Variants in BCKDHB observed in about 807,000 individuals in gnomAD.
The protein encoded by BCKDHB is branched chain keto acid dehydrogenase E1 subunit beta, also known as 2-oxoisovalerate dehydrogenase subunit beta, mitochondrial.
In BCKDHB, 41 loss-of-function variants were observed where a neutral mutation model predicts 48.5. The observed-to-expected ratio is 0.85, with a 90% CI of 0.66 to 1.10. BCKDHB has a LOEUF of 1.10. Ranked by LOEUF, BCKDHB falls within the 50% of genes least tolerant of loss-of-function variation. The pLI, the probability that BCKDHB is intolerant of heterozygous loss-of-function variation, is 0.00. For synonymous variants in BCKDHB, 201 were observed against 174.8 expected (o/e 1.15, Z -1.18); for missense variants, 496 against 494.2 (o/e 1.00, Z -0.03).
chr6:80,450,469 G>A, the BCKDHB span, among the ~76,000 whole-genome samples: 1 of 152,106 alleles, frequency 6.6e-6, no homozygotes, highest in South Asian at 2.1e-4. Context: ...TAGGGGAGGG[G>A]CGCTTGTGCT....
chr6:80,435,278 A>G, the BCKDHB span, among the ~76,000 whole-genome samples: 1 of 152,176 alleles, frequency 6.6e-6, no homozygotes, highest in Admixed American at 6.5e-5. Context: ...GAAATTTGTC[A>G]TGTTATTTGT....
chr6:80,107,616 T>C (rs1769195572), intron 1 of BCKDHB, among the ~76,000 whole-genome samples: 2 of 149,274 alleles, frequency 1.3e-5, no homozygotes, highest in African/African-American at 2.5e-5. Flanking sequence ...TACAGAATTC[T>C]GAGTAATTGA....
the BCKDHB span, among the ~76,000 whole-genome samples, chr6:80,363,211 A>G: frequency 1.6e-4 from 24 of 152,210 alleles, no homozygotes; most frequent in Non-Finnish European, 3.4e-4. Flanking sequence ...TCTGAACACA[A>G]ACAATGAAAG....
chr6:80,316,091 A>G (rs1768432076), intron 9 of BCKDHB, among the ~76,000 whole-genome samples: 1 of 152,222 alleles, frequency 6.6e-6, no homozygotes, highest in South Asian at 2.1e-4. Flanking sequence ...TTTCATTCCT[A>G]TGCTGTGATT....
chr6:80,327,630 GT>G (rs1191865980), intron 9 of BCKDHB, among the ~76,000 whole-genome samples: 1 of 152,096 alleles, frequency 6.6e-6, no homozygotes, highest in East Asian at 1.9e-4. Flanking sequence ...AATAAATAGT[GT>G]TTTCTCTGCC....
At chr6:80,328,398 G>A (rs897827597) in intron 9 of BCKDHB, among the ~76,000 whole-genome samples, 2 of 152,156 alleles carry the variant, frequency 1.3e-5, no homozygotes, top group Non-Finnish European at 2.9e-5. Flanking sequence ...ACAGATTCAG[G>A]ACAAGGACTC....
chr6:80,112,558 T>G (rs1315569893), intron 1 of BCKDHB, among the ~76,000 whole-genome samples: 1 of 152,154 alleles, frequency 6.6e-6, no homozygotes, highest in Non-Finnish European at 1.5e-5. Context: ...AATCCTTATT[T>G]CCCATTACTA....
At chr6:80,331,990 A>G (rs1186609116) in intron 9 of BCKDHB, among the ~76,000 whole-genome samples, 1 of 152,208 alleles carries the variant, frequency 6.6e-6, no homozygotes, top group Non-Finnish European at 1.5e-5. Flanking sequence ...ATGAAATTTA[A>G]TGCACCATAA....
At chr6:80,456,151 G>A in the BCKDHB span, among the ~76,000 whole-genome samples, 1 of 151,710 alleles carries the variant, frequency 6.6e-6, no homozygotes, top group Non-Finnish European at 1.5e-5. Flanking sequence ...GGAGGCGGAG[G>A]TTGCAGTGAG....
the BCKDHB span, among the ~76,000 whole-genome samples, chr6:80,397,220 C>G: frequency 2.0e-5 from 3 of 152,274 alleles, no homozygotes; most frequent in Admixed American, 6.5e-5. Flanking sequence ...AGCAGAATTT[C>G]TGCTCTTCAT....
the BCKDHB span, among the ~76,000 whole-genome samples, chr6:80,436,387 C>T: frequency 1.3e-5 from 2 of 151,936 alleles, no homozygotes; most frequent in East Asian, 3.9e-4. Context: ...TGGTCTCCAT[C>T]TCCTGACCTC....
At chr6:80,194,088 C>A (rs1222886105) in intron 6 of BCKDHB, among the ~76,000 whole-genome samples, 1 of 152,134 alleles carries the variant, frequency 6.6e-6, no homozygotes, top group East Asian at 1.9e-4. Flanking sequence ...TCAGGCCTTG[C>A]ATTAAGCCCA....
chr6:80,201,527 A>G (rs754454196), intron 7 of BCKDHB, among the ~76,000 whole-genome samples: 1 of 152,174 alleles, frequency 6.6e-6, no homozygotes, highest in East Asian at 1.9e-4. Flanking sequence ...TTAGAAACAC[A>G]TATCTTTTGG....
chr6:80,208,473 G>A (rs763438316), intron 8 of BCKDHB, among the ~76,000 whole-genome samples: 27 of 151,786 alleles, frequency 1.8e-4, no homozygotes, highest in Non-Finnish European at 3.2e-4. Context: ...ATTAAGAGCA[G>A]AAATTACTGA....
intron 3 of BCKDHB, among the ~76,000 whole-genome samples, chr6:80,141,349 C>T (rs1369042394): frequency 3.3e-5 from 5 of 151,904 alleles, no homozygotes; most frequent in African/African-American, 7.3e-5. Context: ...AAGAGGCTAG[C>T]GATCAGAAAC....
the BCKDHB span, among the ~76,000 whole-genome samples, chr6:80,464,208 A>G: frequency 1.3e-5 from 2 of 151,952 alleles, no homozygotes; most frequent in African/African-American, 4.8e-5. Context: ...GCTCACTGCA[A>G]CCTCTGTCTC....
intron 9 of BCKDHB, among the ~76,000 whole-genome samples, chr6:80,297,098 G>A (rs1324229657): frequency 6.6e-6 from 1 of 152,118 alleles, no homozygotes; most frequent in African/African-American, 2.4e-5. Context: ...GCAGATAAGG[G>A]CGACTGTTTC....
At chr6:80,154,423 A>G (rs1771938838) in intron 3 of BCKDHB, among the ~76,000 whole-genome samples, 1 of 152,108 alleles carries the variant, frequency 6.6e-6, no homozygotes, top group Non-Finnish European at 1.5e-5. Flanking sequence ...AAGATTAGGA[A>G]GGTATATTTG....
At chr6:80,437,522 C>T in the BCKDHB span, among the ~76,000 whole-genome samples, 1 of 152,162 alleles carries the variant, frequency 6.6e-6, no homozygotes, top group African/African-American at 2.4e-5. Context: ...TCTCACTCAT[C>T]CCATGAGGCT....
Sources: allele counts gnomAD v4.1 joint callset (sites outside exome capture counted in the v4.1 genomes callset), GRCh38; gene constraint gnomAD v4.1.1; transcripts MANE v1.5; gene names NCBI Gene and HGNC (gene_info 2026-07-23, HGNC 2026-07-21).